TOGARAM1: variants seen among roughly 807,000 people sequenced by gnomAD.
TOGARAM1 encodes TOG array regulator of axonemal microtubules 1, also known as TOG array regulator of axonemal microtubules protein 1.
A neutral mutation model predicts 166.6 loss-of-function variants in TOGARAM1; 100 were observed. The observed-to-expected ratio is 0.60, with a 90% CI of 0.51 to 0.71. TOGARAM1 has a LOEUF of 0.71. TOGARAM1 is among the 30% of genes least tolerant of loss of function. The probability of loss-of-function intolerance (pLI) is 0.00; values close to 1 mark genes in which losing one functional copy is unlikely to be tolerated. For missense variants in TOGARAM1, 2,029 were observed against 2,102.7 expected, an observed-to-expected ratio of 0.96 and a Z score of 0.69; for synonymous variants, 758 against 763.8, an observed-to-expected ratio of 0.99 and a Z score of 0.13.
chr14:45,027,522 T>C (rs1056318295), intron 9 of TOGARAM1, 48 bp downstream of exon 9: 4 of 1,463,156 alleles, frequency 2.7e-6, no homozygotes, highest in African/African-American at 2.8e-5. Flanking sequence ...TTACAGTATG[T>C]CATTGTTTTG....
intron 1 of TOGARAM1, among the ~76,000 whole-genome samples, chr14:44,988,966 T>G (rs996132955): frequency 3.9e-5 from 6 of 152,226 alleles, no homozygotes; most frequent in African/African-American, 1.2e-4. Flanking sequence ...ATTGCAGCCT[T>G]AGAGTAACCT....
intron 3 of TOGARAM1, 124 bp downstream of exon 3, chr14:44,999,621 AT>A (rs1179744078): frequency 5.6e-5 from 44 of 791,674 alleles, no homozygotes; most frequent in Non-Finnish European, 7.2e-5. Flanking sequence ...ATTTTGTTAT[AT>A]TTTTAATAAC....
chr14:45,004,217 CTCT>C lies in TOGARAM1; in HGVS notation c.2497_2499del (p.Leu833del), dbSNP rs1887835405. 1 of 1,613,894 alleles carries C rather than the reference CTCT, an allele frequency of 6.2e-7. No individual in the cohort carries two copies. The highest frequency in any genetic ancestry group is 8.5e-7 in the Non-Finnish European group (1 of 1,179,982). ...CGAACTAGTCCAAAGCATACATCTC[CTCT>C]TATTATATCTCCAAAGAAGTCTCAA... On this transcript the variant is annotated inframe_deletion, in exon 4 of 20. Coordinates refer to ENST00000361462, the MANE Select transcript of TOGARAM1 (RefSeq NM_001308120.2).
intron 1 of TOGARAM1, among the ~76,000 whole-genome samples, chr14:44,969,914 C>A (rs1471582705): frequency 6.6e-6 from 1 of 152,106 alleles, no homozygotes; most frequent in African/African-American, 2.4e-5. Context: ...CTATTTTTGC[C>A]CATAACACAT....
At chr14:44,985,632 C>T (rs746904722) in intron 1 of TOGARAM1, among the ~76,000 whole-genome samples, 1 of 152,204 alleles carries the variant, frequency 6.6e-6, no homozygotes, top group Non-Finnish European at 1.5e-5. Context: ...GCAATAATCC[C>T]AGTGATGGGG....
intron 16 of TOGARAM1, among the ~76,000 whole-genome samples, chr14:45,060,072 C>A (rs752599631): frequency 6.6e-6 from 1 of 151,738 alleles, no homozygotes; most frequent in African/African-American, 2.4e-5. Flanking sequence ...GCCACCACAA[C>A]CAGCTAATTT....
chr14:44,963,482 A>G lies in TOGARAM1; in HGVS notation c.1061A>G (p.Glu354Gly). 1 of 1,614,186 alleles carries G rather than the reference A, an allele frequency of 6.2e-7. No homozygotes were observed. The highest frequency in any genetic ancestry group is 1.3e-5 in the African/African-American group (1 of 75,038). ...CTTAAATTTGGGATTATTCCTCAGG[A>G]GCTGCATTCACGATTATTGGATCAG... is the stretch of plus-strand genomic sequence containing the variant. ...SNLKFGIIPQ[E>G]LHSRLLDQED... Residue 354 changes from glutamate (E) to glycine (G), a missense_variant, in exon 1 of 20, where the codon GAG (glutamate) becomes GGG (glycine). Glu to Gly is a moderately conservative substitution (Grantham distance 98, BLOSUM62 -2). Coordinates refer to ENST00000361462, the MANE Select transcript of TOGARAM1 (RefSeq NM_001308120.2).
intron 9 of TOGARAM1, 109 bp downstream of exon 9, chr14:45,027,583 T>A (rs1028055258): frequency 3.4e-6 from 3 of 888,662 alleles, no homozygotes; most frequent in Non-Finnish European, 4.7e-6. Context: ...ATTTAAAAAA[T>A]CTTAGTACAG....
intron 1 of TOGARAM1, among the ~76,000 whole-genome samples, chr14:44,993,193 T>C (rs1594631895): frequency 6.6e-6 from 1 of 151,596 alleles, no homozygotes; most frequent in South Asian, 2.1e-4. Context: ...GAGGCTGAGG[T>C]GGGAAAATCA....
At chr14:45,005,906 C>T in intron 4 of TOGARAM1, 102 bp from the exon 5 acceptor site, 1 of 1,065,922 alleles carries the variant, frequency 9.4e-7, no homozygotes, top group Non-Finnish European at 1.3e-6. Flanking sequence ...CTATAATGTG[C>T]TTTTTTTATT....
rs993507995 is a variant in TOGARAM1 at position 45,041,045 on chromosome 14, GTAATAA to G, written c.3813-2631_3813-2626del. Reference sequence around the variant, plus strand: ...CAGAGCGAGACTCTGTCTCAAAAAAGTAATAATAATAATAACTTGTATAACCCAGTA... The same window carrying G: ...CAGAGCGAGACTCTGTCTCAAAAAAGTAATAATAACTTGTATAACCCAGTA... On this transcript the variant is annotated intron_variant, in intron 11 of 19. Transcript: ENST00000361462. Among the ~76,000 whole-genome samples, 22 of 145,118 alleles carry G rather than the reference GTAATAA, an allele frequency of 1.5e-4. No homozygotes were observed. The Middle Eastern group carries it at 0.012, about 82-fold the overall frequency.
chr14:45,011,136 A>G (rs769092777), intron 6 of TOGARAM1, among the ~76,000 whole-genome samples: 95 of 152,270 alleles, frequency 6.2e-4, no homozygotes, highest in Middle Eastern at 3.4e-3. Context: ...AAAAAGGCCT[A>G]TAGGTATTTA....
chr14:44,973,726 T>A (rs1435355319), intron 1 of TOGARAM1, among the ~76,000 whole-genome samples: 3 of 151,606 alleles, frequency 2.0e-5, no homozygotes, highest in African/African-American at 7.2e-5. Flanking sequence ...TCTGTTTGTC[T>A]GAGAATGTCT....
At chr14:45,032,499 A>G (rs1437947257) in intron 11 of TOGARAM1, 123 bp downstream of exon 11, 3 of 995,240 alleles carry the variant, frequency 3.0e-6, no homozygotes, top group African/African-American at 3.3e-5. Flanking sequence ...TTTAGTTCTT[A>G]GGCATCAGAG....
At chr14:45,026,139 T>G (rs1880825551) in intron 8 of TOGARAM1, among the ~76,000 whole-genome samples, 1 of 152,168 alleles carries the variant, frequency 6.6e-6, no homozygotes. Flanking sequence ...CTAAGACTAT[T>G]TTAGGATAGC....
chr14:45,048,627 C>T (rs1882203161), intron 14 of TOGARAM1, among the ~76,000 whole-genome samples: 1 of 152,008 alleles, frequency 6.6e-6, no homozygotes, highest in Non-Finnish European at 1.5e-5. Context: ...TTCAGAAGGC[C>T]AAAATCAGGG....
At chr14:45,068,375 T>C (rs770407862) in intron 17 of TOGARAM1, 49 bp from the exon 18 acceptor site, 7 of 1,287,016 alleles carry the variant, frequency 5.4e-6, no homozygotes, top group Admixed American at 2.1e-5. Flanking sequence ...ATAAATACAA[T>C]AGCTATAAAA....
At chr14:44,969,110 T>TTTCCTTCC (rs369302120) in intron 1 of TOGARAM1, among the ~76,000 whole-genome samples, 1,836 of 139,180 alleles carry the variant, frequency 0.013, 16 homozygotes, top group Middle Eastern at 0.021. Context: ...TCTTTCTTTC[T>TTTCCTTCC]TTCCTTCCTT....
chr14:45,061,464 C>T (rs1388656324), intron 16 of TOGARAM1, among the ~76,000 whole-genome samples: 1 of 152,060 alleles, frequency 6.6e-6, no homozygotes, highest in East Asian at 1.9e-4. Flanking sequence ...TACCTTATTC[C>T]TGATCTTTGG....
Sources: allele counts gnomAD v4.1 joint callset (sites outside exome capture counted in the v4.1 genomes callset), GRCh38; gene constraint gnomAD v4.1.1; transcripts MANE v1.5; gene names NCBI Gene and HGNC (gene_info 2026-07-23, HGNC 2026-07-21).